Variants in ACSL1 observed in about 807,000 individuals in gnomAD.
ACSL1 encodes acyl-CoA synthetase long chain family member 1.
ACSL1 carries 41 observed loss-of-function variants against 98.4 expected under a neutral mutation model. The ratio of observed to expected loss-of-function variants is 0.42; its 90% confidence interval spans 0.32 to 0.54. The LOEUF (loss-of-function observed/expected upper bound fraction) is 0.54, where lower values mean the gene tolerates loss of function less well. ACSL1 is among the 20% of genes least tolerant of loss of function. The probability of loss-of-function intolerance (pLI) is 0.13; values close to 1 mark genes in which losing one functional copy is unlikely to be tolerated. For synonymous variants in ACSL1, 316 were observed against 322.7 expected, an observed-to-expected ratio of 0.98 and a Z score of 0.22; for missense variants, 734 against 883.1, an observed-to-expected ratio of 0.83 and a Z score of 2.14.
chr4:184,784,771 A>G (rs1357535245), intron 3 of ACSL1, among the ~76,000 whole-genome samples: 1 of 152,210 alleles, frequency 6.6e-6, no homozygotes, highest in Non-Finnish European at 1.5e-5. Context: ...AGACAACGGC[A>G]GTGTGCTGCA....
rs770957644 is a variant in ACSL1 at position 184,757,305 on chromosome 4, C to T, written c.1957-40G>A. 1.9e-5 allele frequency: 30 copies of T among 1,567,470 alleles called. No individual in the cohort carries two copies. The East Asian group carries it at 2.3e-4, about 12-fold the overall frequency. On this transcript the variant is annotated intron_variant, in intron 20 of 20. Coordinates refer to ENST00000281455, the MANE Select transcript of ACSL1 (RefSeq NM_001995.5). This position sits in a 1 kb window ranked among gnomAD's most constrained non-coding sequence, Gnocchi z 4.5. ...GGCAGTTAAAAGAGGAAAAAGGACA[C>T]GGGCCACCAGTCTCAAAAGCACGTA...
chr4:184,769,477 C>T (rs1764166713), intron 11 of ACSL1, among the ~76,000 whole-genome samples: 1 of 152,218 alleles, frequency 6.6e-6, no homozygotes, highest in Non-Finnish European at 1.5e-5. Flanking sequence ...ACAATTACAG[C>T]TCAGAAAGCT....
At position 184,763,165 on chromosome 4, in the gene ACSL1, ACCTCGC is replaced by A. The variant is rs1232478070; in HGVS notation, c.1517_1521+1del. 1 of 1,612,872 alleles carries A rather than the reference ACCTCGC, an allele frequency of 6.2e-7. No homozygotes were observed. Among genetic ancestry groups the A allele is most frequent in the Admixed American group, 1.7e-5 (1 of 59,558 alleles). ...GGAAAATGACTGACGGTTTTCACTC[ACCTCGC>A]CCTCGCCCTCGGCAGCCATGTAATT... On this transcript the variant is annotated splice_donor_variant and coding_sequence_variant, in exon 16 of 21. Transcript: ENST00000281455. LOFTEE classifies it high-confidence loss of function.
chr4:184,817,486 C>G (rs780759185), intron 1 of ACSL1, among the ~76,000 whole-genome samples: 1 of 152,184 alleles, frequency 6.6e-6, no homozygotes, highest in African/African-American at 2.4e-5. Flanking sequence ...ATGGGGCATA[C>G]ACCCCACTCT....
chr4:184,811,008 T>G (rs1162102327), intron 1 of ACSL1, among the ~76,000 whole-genome samples: 1 of 152,156 alleles, frequency 6.6e-6, no homozygotes, highest in Non-Finnish European at 1.5e-5. Context: ...CCCACAGACC[T>G]CAAGAGCTGA....
intron 4 of ACSL1, among the ~76,000 whole-genome samples, chr4:184,782,507 TA>T (rs1233503518): frequency 1.3e-5 from 2 of 152,114 alleles, no homozygotes; most frequent in African/African-American, 4.8e-5. Flanking sequence ...TTCCAGCCAC[TA>T]AACAACAGAA....
Position 184,757,559 on chromosome 4 carries a change from A to G in ACSL1, c.1956+76T>C. ...TGTCTTTAGGTCACCCCATATGTTTATATAATCTACCTGTAAAAAAATCTT... is the reference window on the plus strand; with the variant it reads ...TGTCTTTAGGTCACCCCATATGTTTGTATAATCTACCTGTAAAAAAATCTT... On this transcript the variant is annotated intron_variant, in intron 20 of 20. Coordinates refer to ENST00000281455, the MANE Select transcript of ACSL1 (RefSeq NM_001995.5). This position sits in a 1 kb window ranked among gnomAD's most constrained non-coding sequence, Gnocchi z 4.5. 1.4e-6 allele frequency: 2 copies of G among 1,383,024 alleles called. No individual in the cohort carries two copies. The highest frequency in any genetic ancestry group is 1.0e-6 in the Non-Finnish European group (1 of 993,176). 85.7% of individuals were successfully genotyped at this position (1,383,024 alleles called of 1,614,324 possible). A position where few individuals can be genotyped will look rare whatever the true frequency, so the allele number is the denominator to read the frequency against.
Position 184,803,449 on chromosome 4 carries a change from C to G in ACSL1, c.66G>C (p.Val22=). Residue 22 remains valine (V), a synonymous_variant, in exon 2 of 21, where the codon GTG becomes GTC. Transcript: ENST00000281455. This position sits in a 1 kb window ranked among gnomAD's most constrained non-coding sequence, Gnocchi z 4.8. ...TAAGCGTGTTGGTCGGAAGAGTACGCACGTACTGTCGGAAGTCAACCAGCT... is the reference window on the plus strand; with the variant it reads ...TAAGCGTGTTGGTCGGAAGAGTACGGACGTACTGTCGGAAGTCAACCAGCT... The part of the protein sequence containing the change: ...MPELVDFRQY[V]RTLPTNTLMG... 1.2e-6 allele frequency: 2 copies of G among 1,613,446 alleles called. No homozygotes were observed. The highest frequency in any genetic ancestry group is 1.7e-6 in the Non-Finnish European group (2 of 1,179,686).
rs796901098 is a variant in ACSL1 at position 184,820,018 on chromosome 4, C to T, written c.-33+5898G>A. 1.2e-4 allele frequency among the ~76,000 whole-genome samples: 18 copies of T among 152,172 alleles called. 3 individuals carry two copies. The highest frequency in any genetic ancestry group is 3.6e-4 in the African/African-American group (15 of 41,482). The stretch of plus-strand genomic sequence containing the variant: ...GGGCAGAAACCAAGGGCAATACCGA[C>T]GTCCAGCCATTCTTTGAACAGGCAC... On this transcript the variant is annotated intron_variant, in intron 1 of 20. Coordinates refer to ENST00000281455, the MANE Select transcript of ACSL1 (RefSeq NM_001995.5).
chr4:184,788,543 G>A, intron 3 of ACSL1, 74 bp downstream of exon 3: 3 of 1,176,710 alleles, frequency 2.5e-6, no homozygotes, highest in Non-Finnish European at 2.5e-6. Context: ...GAGCAAATGT[G>A]CATTTCTGAA....
At chr4:184,807,546 C>A (rs1408951073) in intron 1 of ACSL1, among the ~76,000 whole-genome samples, 14 of 152,198 alleles carry the variant, frequency 9.2e-5, no homozygotes, top group Admixed American at 7.2e-4. Flanking sequence ...AATCTGGGCA[C>A]AAGCCCAGTG....
chr4:184,814,363 T>G (rs1772430311), intron 1 of ACSL1, among the ~76,000 whole-genome samples: 1 of 148,102 alleles, frequency 6.8e-6, no homozygotes, highest in African/African-American at 2.5e-5. Flanking sequence ...ATGAACATCA[T>G]GGTAGCTTCT....
Position 184,780,418 on chromosome 4 carries a change from C to G in ACSL1, c.391G>C (p.Glu131Gln), listed in dbSNP as rs769681016. 1.1e-5 allele frequency: 18 copies of G among 1,612,616 alleles called. No homozygotes were observed. The highest frequency in any genetic ancestry group is 1.5e-5 in the Non-Finnish European group (18 of 1,179,756). The stretch of plus-strand genomic sequence containing the variant: ...TGGATCAGTGCTGAGCCTATGCACT[C>G]CGACAATTCTGCAACCTAAAATGGA... ...LSYKQVAELSECIGSALIQKG... is the reference protein window; with the variant it reads ...LSYKQVAELSQCIGSALIQKG... Residue 131 changes from glutamate (E) to glutamine (Q), a missense_variant, in exon 5 of 21, where the codon GAG becomes CAG. Transcript: ENST00000281455.
intron 3 of ACSL1, among the ~76,000 whole-genome samples, chr4:184,786,875 G>C (rs1767473343): frequency 6.6e-6 from 1 of 152,026 alleles, no homozygotes; most frequent in Non-Finnish European, 1.5e-5. Flanking sequence ...TGTATTTTTA[G>C]TAGAGACGGA....
At chr4:184,798,348 A>T (rs1392069799) in intron 2 of ACSL1, 1 of 152,266 alleles carries the variant, frequency 6.6e-6, no homozygotes. Context: ...ACAAACAAAT[A>T]ACACATATCA....
chr4:184,820,884 C>T (rs976709314), intron 1 of ACSL1, among the ~76,000 whole-genome samples: 1 of 152,190 alleles, frequency 6.6e-6, no homozygotes, highest in African/African-American at 2.4e-5. Flanking sequence ...CCTGGCCTAA[C>T]CTGGAACTTT....
At position 184,825,316 on chromosome 4, in the gene ACSL1, G is replaced by A. The variant is rs1773379546; in HGVS notation, c.-33+600C>T. 1.1e-5 allele frequency: 10 copies of A among 919,938 alleles called. No individual in the cohort carries two copies. In the South Asian group the frequency reaches 3.0e-4, roughly 28 times the overall value. 57.0% of individuals were successfully genotyped at this position (919,938 alleles called of 1,614,324 possible). ...GCACTCCTTAGATCAATGACTCCAC[G>A]GCCAAGTGCAAGGGCCACGGGCACT... On this transcript the variant is annotated intron_variant, in intron 1 of 20. Coordinates refer to ENST00000281455, the MANE Select transcript of ACSL1 (RefSeq NM_001995.5). The surrounding 1 kb of genome is among the most constrained non-coding windows in gnomAD (Gnocchi z 4.7).
chr4:184,783,845 A>G, intron 4 of ACSL1, 82 bp downstream of exon 4: 1 of 1,326,450 alleles, frequency 7.5e-7, no homozygotes, highest in Non-Finnish European at 1.1e-6. Flanking sequence ...CTCTGGAGAA[A>G]CCTTCCGGCT....
chr4:184,820,637 C>T (rs553524095), intron 1 of ACSL1, among the ~76,000 whole-genome samples: 3 of 152,158 alleles, frequency 2.0e-5, no homozygotes, highest in South Asian at 2.1e-4. Context: ...CAGAGTCTCA[C>T]TCTGTCACCC....
Sources: allele counts gnomAD v4.1 joint callset (sites outside exome capture counted in the v4.1 genomes callset), GRCh38; gene constraint gnomAD v4.1.1; non-coding constraint Gnocchi (gnomAD v3.1); transcripts MANE v1.5; gene names NCBI Gene and HGNC (gene_info 2026-07-23, HGNC 2026-07-21).